Variants in FAT3 observed in about 807,000 individuals in gnomAD.
The protein encoded by FAT3 is FAT atypical cadherin 3.
A neutral mutation model predicts 310.2 loss-of-function variants in FAT3; 95 were observed. That is an observed-to-expected ratio of 0.31 (90% CI 0.26 to 0.36). FAT3 has a LOEUF of 0.36. FAT3 is among the 10% of genes least tolerant of loss of function. The pLI is 1.00. For missense variants in FAT3, 5,408 were observed against 5,715.6 expected (o/e 0.95, Z 1.74); for synonymous variants, 2,314 against 2,192.9 (o/e 1.06, Z -1.54).
At position 92,890,518 on chromosome 11, in the gene FAT3, T is replaced by A. The variant is rs2136442419; in HGVS notation, c.13175T>A (p.Met4392Lys). The change falls in exon 28 of 28, where the codon ATG becomes AAG. Residue 4392 changes from methionine to lysine, a missense_variant. Transcript: ENST00000525166. ...TATCACTGGGACACCTCTGATTGGA[T>A]GCCAGGGGCCCGCCTGTCGGACATA... ...RAYHWDTSDW[M>K]PGARLSDIEE... 3 of 1,613,326 alleles carry A rather than the reference T, an allele frequency of 1.9e-6. No homozygotes were observed. Among genetic ancestry groups the A allele is most frequent in the Non-Finnish European group, 2.5e-6 (3 of 1,179,652 alleles).
At chr11:92,804,430 T>C (rs186518205) in intron 10 of FAT3, among the ~76,000 whole-genome samples, 62 of 152,274 alleles carry the variant, frequency 4.1e-4, no homozygotes, top group Admixed American at 1.9e-3. Flanking sequence ...CCCATGTAGC[T>C]TAATGATGTG....
chr11:92,867,178 C>T lies in FAT3; in HGVS notation c.12096C>T (p.His4032=), dbSNP rs766861618. Residue 4032 remains histidine, a synonymous_variant, in exon 22 of 28, where the codon CAC becomes CAT. Coordinates refer to ENST00000525166, the MANE Select transcript of FAT3 (RefSeq NM_001367949.2). ...CCTGCAAGCGCAGCCCGTGCCAGCACGGGGGCAGCTGCACTGGCCTGCCAT... is the reference window on the plus strand; with the variant it reads ...CCTGCAAGCGCAGCCCGTGCCAGCATGGGGGCAGCTGCACTGGCCTGCCAT... The part of the protein sequence containing the change: ...PDACKRSPCQ[H]GGSCTGLPSG... 9.4e-6 allele frequency: 15 copies of T among 1,589,286 alleles called. No homozygotes were observed. Among genetic ancestry groups the T allele is most frequent in the Non-Finnish European group, 1.2e-5 (14 of 1,170,868 alleles).
rs185374313 is a variant in FAT3, at chr11:92,547,874, G to T, written c.3607+22926G>T. On this transcript the variant is annotated intron_variant, in intron 3 of 27. Coordinates refer to ENST00000525166, the MANE Select transcript of FAT3 (RefSeq NM_001367949.2). ...GAACTAGAGTTTGGTCTAGAATCTA[G>T]ATTTAGCTGATGTGTGGAGGGCTGT... 4.4e-3 allele frequency among the ~76,000 whole-genome samples: 666 copies of T among 152,296 alleles called. 3 individuals carry two copies. The highest frequency in any genetic ancestry group is 7.3e-3 in the Non-Finnish European group (498 of 68,022).
At chr11:92,590,419 A>G (rs1939366566) in intron 3 of FAT3, among the ~76,000 whole-genome samples, 1 of 152,108 alleles carries the variant, frequency 6.6e-6, no homozygotes, top group African/African-American at 2.4e-5. Flanking sequence ...AAAGGGTGGG[A>G]GGGTAAGTAA....
chr11:92,544,992 C>T (rs1420166832), intron 3 of FAT3, among the ~76,000 whole-genome samples: 8 of 152,118 alleles, frequency 5.3e-5, no homozygotes, highest in Non-Finnish European at 4.4e-5. Flanking sequence ...TCTGTCAAAG[C>T]CTCTAAGGAT....
chr11:92,828,395 A>G (rs976694473), intron 13 of FAT3, among the ~76,000 whole-genome samples: 6 of 152,176 alleles, frequency 3.9e-5, no homozygotes, highest in Non-Finnish European at 2.9e-5. Context: ...CTACAAAAAT[A>G]TATCCTGCTC....
At chr11:92,813,367 T>C (rs571559710) in intron 13 of FAT3, among the ~76,000 whole-genome samples, 1 of 152,308 alleles carries the variant, frequency 6.6e-6, no homozygotes, top group South Asian at 2.1e-4. Context: ...CTTCTCCCAC[T>C]GGTAACATCT....
chr11:92,715,821 A>G (rs1324347079), intron 4 of FAT3, among the ~76,000 whole-genome samples: 5 of 151,982 alleles, frequency 3.3e-5, no homozygotes, highest in Non-Finnish European at 5.9e-5. Flanking sequence ...AGATCAACGT[A>G]AAAGAAGAGA....
At position 92,371,964 on chromosome 11, in the gene FAT3, G is replaced by A. The variant is rs542636691; in HGVS notation, c.3292+16560G>A. Among the ~76,000 whole-genome samples the A allele has an allele frequency of 5.3e-5, 8 of 152,220 alleles. No homozygotes were observed. The East Asian group carries it at 9.7e-4, about 18-fold the overall frequency. On this transcript the variant is annotated intron_variant, in intron 2 of 27. Transcript: ENST00000525166. ...TGAAATGGAGACCACATATAAATTC[G>A]TGTGTTTTTAAGTTGGTCACAGCTT...
At position 92,799,180 on chromosome 11, in the gene FAT3, C is replaced by G. The variant is rs931836340; in HGVS notation, c.6167C>G (p.Ala2056Gly). ...EQELYELVVE[A>G]SRELDHLRVA... ...GAGTTATATGAGCTGGTGGTAGAAG[C>G]CAGCCGTGAGCTGGACCATCTGCGT... The change falls in exon 10 of 28, where the codon GCC becomes GGC. Residue 2056 changes from alanine (A) to glycine (G), a missense_variant. By Grantham distance (60) the Ala-to-Gly change is moderately conservative (BLOSUM62 0). Transcript: ENST00000525166. 3 of 1,613,812 alleles carry G rather than the reference C, an allele frequency of 1.9e-6. No homozygotes were observed. The highest frequency in any genetic ancestry group is 2.7e-5 in the African/African-American group (2 of 74,916).
intron 2 of FAT3, among the ~76,000 whole-genome samples, chr11:92,460,104 G>A (rs1951597142): frequency 6.6e-6 from 1 of 152,130 alleles, no homozygotes; most frequent in African/African-American, 2.4e-5. Flanking sequence ...TGCCTGCCTT[G>A]GATATTTGGG....
chr11:92,858,175 G>A lies in FAT3; in HGVS notation c.11500+827G>A, dbSNP rs532755718. Among the ~76,000 whole-genome samples the A allele has an allele frequency of 7.9e-5, 12 of 152,298 alleles. No homozygotes were observed. In the East Asian group the frequency reaches 2.1e-3, roughly 27 times the overall value. Reference sequence around the variant, plus strand: ...AGAAATTCAGCCTTTGCAAAGAGAAGCACTGTTCCTAAAAGTAGAAACCAA... The same window carrying A: ...AGAAATTCAGCCTTTGCAAAGAGAAACACTGTTCCTAAAAGTAGAAACCAA... On this transcript the variant is annotated intron_variant, in intron 20 of 27. Coordinates refer to ENST00000525166, the MANE Select transcript of FAT3 (RefSeq NM_001367949.2).
chr11:92,225,521 G>A (rs988520810), intron 1 of FAT3, among the ~76,000 whole-genome samples: 1 of 152,092 alleles, frequency 6.6e-6, no homozygotes, highest in Non-Finnish European at 1.5e-5. Flanking sequence ...GCTCCCAGCC[G>A]CCCCTGCAGG....
At chr11:92,289,500 T>TACACAC (rs10562084) in intron 1 of FAT3, among the ~76,000 whole-genome samples, 2,717 of 144,302 alleles carry the variant, frequency 0.019, 28 homozygotes, top group Non-Finnish European at 0.023. Context: ...CCATGATAGA[T>TACACAC]ACACACACAC....
At chr11:92,615,258 T>A (rs1418888841) in intron 3 of FAT3, among the ~76,000 whole-genome samples, 1 of 152,230 alleles carries the variant, frequency 6.6e-6, no homozygotes, top group Non-Finnish European at 1.5e-5. Flanking sequence ...TTTACTTAAT[T>A]TTTTTGAGAC....
Position 92,744,994 on chromosome 11 carries a change from C to T in FAT3, c.3670-16862C>T, listed in dbSNP as rs183500304. On this transcript the variant is annotated intron_variant, in intron 4 of 27. Transcript: ENST00000525166. ...TGTTTGCTCAGCTAGTAATTAGAGC[C>T]GTGTCCTTATTTTTGCATTAAGCCT... Among the ~76,000 whole-genome samples the T allele has an allele frequency of 2.9e-3, 447 of 152,254 alleles. 2 individuals are homozygous for T. The highest frequency in any genetic ancestry group is 0.01 in the African/African-American group (428 of 41,548).
chr11:92,707,471 A>C (rs939397965), intron 4 of FAT3, among the ~76,000 whole-genome samples: 3 of 152,110 alleles, frequency 2.0e-5, no homozygotes, highest in Non-Finnish European at 4.4e-5. Context: ...CCTCTGGCTG[A>C]GTTCTGGGGG....
At position 92,322,021 on chromosome 11, in the gene FAT3, C is replaced by T. The variant is rs1310864958; in HGVS notation, c.-17-30075C>T. On this transcript the variant is annotated intron_variant, in intron 1 of 27. Coordinates refer to ENST00000525166, the MANE Select transcript of FAT3 (RefSeq NM_001367949.2). Reference sequence around the variant, plus strand: ...ATTTGTGTATAGTCATCATTGAAAACCTTGATTGCTGAAAATCAGACTCTG... The same window carrying T: ...ATTTGTGTATAGTCATCATTGAAAATCTTGATTGCTGAAAATCAGACTCTG... 3.3e-5 allele frequency among the ~76,000 whole-genome samples: 5 copies of T among 152,128 alleles called. No homozygotes were observed. The East Asian group carries it at 7.7e-4, about 24-fold the overall frequency.
Position 92,800,292 on chromosome 11 carries a change from G to A in FAT3, c.7279G>A (p.Asp2427Asn). Residue 2427 changes from aspartate (D) to asparagine (N), a missense_variant, in exon 10 of 28, where the codon GAC (aspartate) becomes AAC (asparagine). Asp to Asn is a conservative substitution (Grantham distance 23). This residue lies in a region of FAT3 where 4,588 missense variants were observed against 4,809.8 expected (regional missense o/e 0.95). Coordinates refer to ENST00000525166, the MANE Select transcript of FAT3 (RefSeq NM_001367949.2). The stretch of plus-strand genomic sequence containing the variant: ...CTCTGATGCAGACAGCTCTGATTTT[G>A]ACCGGTTGGAATATAGCATTTTATC... ...QASDADSSDF[D>N]RLEYSILSGN... 6.2e-7 allele frequency: 1 copy of A among 1,613,814 alleles called. No homozygotes were observed. Among genetic ancestry groups the A allele is most frequent in the Non-Finnish European group, 8.5e-7 (1 of 1,179,752 alleles).
Sources: allele counts gnomAD v4.1 joint callset (sites outside exome capture counted in the v4.1 genomes callset), GRCh38; gene constraint gnomAD v4.1.1; regional missense constraint gnomAD v4.1.1; transcripts MANE v1.5; gene names NCBI Gene and HGNC (gene_info 2026-07-23, HGNC 2026-07-21).